SLC2A5: variants seen among roughly 807,000 people sequenced by gnomAD.
SLC2A5 encodes solute carrier family 2, facilitated glucose transporter member 5.
In SLC2A5, 56 loss-of-function variants were observed where a neutral mutation model predicts 50.3. The observed-to-expected ratio is 1.11, with a 90% CI of 0.90 to 1.39. The LOEUF is 1.39. Ranked by LOEUF, SLC2A5 falls within the 40% of genes most tolerant of loss-of-function variation. The pLI is 0.00. For synonymous variants in SLC2A5, 269 were observed against 281.9 expected (o/e 0.95, Z 0.46); for missense variants, 566 against 650.1 (o/e 0.87, Z 1.41).
chr1:9,084,789 G>T (rs1449487683), intron 2 of SLC2A5, among the ~76,000 whole-genome samples: 2 of 152,200 alleles, frequency 1.3e-5, no homozygotes, highest in African/African-American at 4.8e-5. Flanking sequence ...GCCCCCGTTG[G>T]TCTGGAAACC....
chr1:9,081,836 C>A (rs991892738), intron 2 of SLC2A5, among the ~76,000 whole-genome samples: 1 of 152,120 alleles, frequency 6.6e-6, no homozygotes, highest in Non-Finnish European at 1.5e-5. Flanking sequence ...AATTCCAGCA[C>A]TTTGGGGAGC....
intron 1 of SLC2A5, among the ~76,000 whole-genome samples, chr1:9,058,741 C>T (rs1316348081): frequency 1.3e-5 from 2 of 151,246 alleles, no homozygotes; most frequent in Non-Finnish European, 2.9e-5. Flanking sequence ...CCATCTCAAA[C>T]ATAAACTCCC....
At chr1:9,083,085 A>G (rs1569925426) in intron 2 of SLC2A5, among the ~76,000 whole-genome samples, 1 of 152,222 alleles carries the variant, frequency 6.6e-6, no homozygotes, top group Admixed American at 6.5e-5. Flanking sequence ...CAATAAAAAA[A>G]AGAAATCAAT....
intron 2 of SLC2A5, among the ~76,000 whole-genome samples, chr1:9,080,269 G>T (rs1029669874): frequency 6.6e-6 from 1 of 152,184 alleles, no homozygotes; most frequent in East Asian, 1.9e-4. Context: ...GCAGCTATGC[G>T]CATGGGTGTA....
chr1:9,068,189 C>CAAAAAAAAAAAAAA (rs755203801), intron 1 of SLC2A5, among the ~76,000 whole-genome samples: 7 of 77,072 alleles, frequency 9.1e-5, no homozygotes, highest in Admixed American at 3.2e-4. Context: ...GACTCTGTGT[C>CAAAAAAAAAAAAAA]AAAAAAAAAA....
At chr1:9,044,121 G>A (rs565205513) in intron 4 of SLC2A5, among the ~76,000 whole-genome samples, 148 of 151,430 alleles carry the variant, frequency 9.8e-4, no homozygotes, top group Non-Finnish European at 1.7e-3. Flanking sequence ...TTGAGGCCAG[G>A]AGTTCGAGAC....
intron 1 of SLC2A5, among the ~76,000 whole-genome samples, chr1:9,060,001 CACACACACACACT>C (rs1011540065): frequency 8.6e-5 from 12 of 139,080 alleles, no homozygotes; most frequent in Non-Finnish European, 1.2e-4. Context: ...CACACACACA[CACACACACACACT>C]ACACACACAC....
At chr1:9,064,880 C>T (rs1469493613) in intron 1 of SLC2A5, among the ~76,000 whole-genome samples, 1 of 152,012 alleles carries the variant, frequency 6.6e-6, no homozygotes, top group African/African-American at 2.4e-5. Context: ...TGGTGAAACC[C>T]CGTCTCTACT....
chr1:9,057,659 A>G, intron 2 of SLC2A5, 51 bp from the exon 3 acceptor site: 1 of 1,546,720 alleles, frequency 6.5e-7, no homozygotes, highest in Non-Finnish European at 8.9e-7. Context: ...CCGGTTTTGC[A>G]AGAAGAACAT....
intron 1 of SLC2A5, among the ~76,000 whole-genome samples, chr1:9,060,432 T>C (rs1569887513): frequency 7.6e-5 from 5 of 65,434 alleles, no homozygotes; most frequent in African/African-American, 1.9e-4. Flanking sequence ...CCCACATGCC[T>C]CCAGTACACA....
Position 9,038,114 on chromosome 1 carries a change from C to T in SLC2A5, c.1175-90G>A. ...TGCAGACCCACCAGGTAGCTGGCCC[C>T]AGGACAGAGGCGTCTCCAGGACTCT... is the stretch of plus-strand genomic sequence containing the variant. On this transcript the variant is annotated intron_variant, in intron 10 of 11. Coordinates refer to ENST00000377424, the MANE Select transcript of SLC2A5 (RefSeq NM_003039.3). 4 of 1,480,080 alleles carry T rather than the reference C, an allele frequency of 2.7e-6. No homozygotes were observed. In the South Asian group the frequency reaches 5.0e-5, roughly 19 times the overall value. The allele number at this position is 1,480,080 out of a possible 1,614,324, so 91.7% of individuals were successfully genotyped here.
chr1:9,037,749 A>G lies in SLC2A5; in HGVS notation c.1343T>C (p.Ile448Thr), dbSNP rs1410396745. 1 of 1,614,064 alleles carries G rather than the reference A, an allele frequency of 6.2e-7. No homozygotes were observed. Among genetic ancestry groups the G allele is most frequent in the East Asian group, 2.2e-5 (1 of 44,894 alleles). The change falls in exon 12 of 12, where the codon ATC becomes ACC. Residue 448 changes from isoleucine (I) to threonine (T), a missense_variant. By Grantham distance (89) the Ile-to-Thr change is moderately conservative. Transcript: ENST00000377424. Reference protein sequence around the residue: ...GPYSFIVFAVICLLTTIYIFL... With the variant: ...GPYSFIVFAVTCLLTTIYIFL... ...GATGTAGATGGTGGTGAGGAGGCAGATCACGGCGAAGACAATGAAGCTGTA... is the reference window on the plus strand; with the variant it reads ...GATGTAGATGGTGGTGAGGAGGCAGGTCACGGCGAAGACAATGAAGCTGTA...
At chr1:9,053,158 A>ATAT (rs1641634325) in intron 3 of SLC2A5, among the ~76,000 whole-genome samples, 1 of 77,664 alleles carries the variant, frequency 1.3e-5, no homozygotes, top group Non-Finnish European at 2.3e-5. Context: ...TATATATTTT[A>ATAT]TATATTTATA....
chr1:9,049,243 G>C (rs775223523), intron 3 of SLC2A5: 3 of 455,100 alleles, frequency 6.6e-6, no homozygotes, highest in Non-Finnish European at 8.8e-6. Context: ...CTTGCCACAC[G>C]TGAGAGCCGC....
chr1:9,060,095 A>AC (rs1641879263), intron 1 of SLC2A5, among the ~76,000 whole-genome samples: 2 of 131,204 alleles, frequency 1.5e-5, no homozygotes, highest in African/African-American at 6.2e-5. Flanking sequence ...CTACACACAC[A>AC]ACACACACAA....
intron 1 of SLC2A5, among the ~76,000 whole-genome samples, chr1:9,087,702 C>A (rs950951525): frequency 6.6e-6 from 1 of 152,066 alleles, no homozygotes; most frequent in Non-Finnish European, 1.5e-5. Flanking sequence ...GTGAGGAGGA[C>A]AATTAATCTG....
chr1:9,078,559 T>C (rs1370546455), intron 2 of SLC2A5, among the ~76,000 whole-genome samples: 22 of 152,216 alleles, frequency 1.4e-4, no homozygotes, highest in Admixed American at 1.3e-3. Context: ...TTTATCCATG[T>C]AACCAAGAAC....
At chr1:9,050,689 C>T (rs1270686043) in intron 3 of SLC2A5, among the ~76,000 whole-genome samples, 1 of 151,974 alleles carries the variant, frequency 6.6e-6, no homozygotes, top group African/African-American at 2.4e-5. Flanking sequence ...ACACCAAAGG[C>T]ATAATCCATG....
At position 9,039,658 on chromosome 1, in the gene SLC2A5, T is replaced by C. The variant is rs1335930444; in HGVS notation, c.890A>G (p.Tyr297Cys). The C allele has an allele frequency of 1.3e-6, 2 of 1,540,208 alleles. No individual in the cohort carries two copies. The highest frequency in any genetic ancestry group is 2.5e-5 in the East Asian group (1 of 39,334). ...GQQLSGVNAIYYYADQIYLSA... is the reference protein window; with the variant it reads ...GQQLSGVNAICYYADQIYLSA... ...CAGGTAGATCTGGTCCGCGTAGTAG[T>C]AGATCTGCAAGGCAAGCGCGGGGCT... Residue 297 changes from tyrosine to cysteine, a missense_variant, in exon 8 of 12, where the codon TAC (tyrosine) becomes TGC (cysteine). Tyr to Cys is a radical substitution (Grantham distance 194). Coordinates refer to ENST00000377424, the MANE Select transcript of SLC2A5 (RefSeq NM_003039.3).
Sources: gnomAD v4.1 joint callset for allele counts (sites outside exome capture counted in the v4.1 genomes callset) on GRCh38, gnomAD v4.1.1 for gene constraint, MANE v1.5 for transcripts, NCBI Gene and HGNC (gene_info 2026-07-23, HGNC 2026-07-21) for gene names.